The following ANKRD36 variants were observed in gnomAD, a reference collection of about 807,000 sequenced individuals.
The protein encoded by ANKRD36 is ankyrin repeat domain-containing protein 36A.
A neutral mutation model predicts 278.1 loss-of-function variants in ANKRD36; 179 were observed. That is an observed-to-expected ratio of 0.64 (90% CI 0.57 to 0.73). The LOEUF is 0.73. Among genes scored for constraint, ANKRD36 ranks in the 30% least tolerant of loss-of-function variants. The pLI, the probability that ANKRD36 is intolerant of heterozygous loss-of-function variation, is 0.00. For missense variants in ANKRD36, 1,159 were observed against 1,956.7 expected (o/e 0.59, Z 7.69); for synonymous variants, 320 against 641.1 (o/e 0.50, Z 7.57).
chr2:97,150,195 TA>T, intron 12 of ANKRD36, among the ~76,000 whole-genome samples: 1 of 147,530 alleles, frequency 6.8e-6, no homozygotes, highest in Non-Finnish European at 1.5e-5. Flanking sequence ...TTTGTTTAAA[TA>T]ACCTGTTTGA....
At position 97,174,979 on chromosome 2, in the gene ANKRD36, C is replaced by A. The variant is rs1198874836; in HGVS notation, c.1634-4759C>A. The stretch of plus-strand genomic sequence containing the variant: ...CCTTGCATCCCAGGGATGAAGCCCA[C>A]TTGATCATGGTGGATAAGCTTTTTG... On this transcript the variant is annotated intron_variant, in intron 22 of 75. Coordinates refer to ENST00000420699, the MANE Select transcript of ANKRD36 (RefSeq NM_001354587.1). Among the ~76,000 whole-genome samples, 4 of 142,860 alleles carry A rather than the reference C, an allele frequency of 2.8e-5. No individual in the cohort carries two copies. The South Asian group carries it at 6.8e-4, about 24-fold the overall frequency. The allele number at this position is 142,860 out of a possible 152,430, so 93.7% of individuals were successfully genotyped here. A position where few individuals can be genotyped will look rare whatever the true frequency, so the allele number is the denominator to read the frequency against.
At chr2:97,137,282 G>A (rs1339564283) in intron 6 of ANKRD36, among the ~76,000 whole-genome samples, 3 of 151,974 alleles carry the variant, frequency 2.0e-5, no homozygotes, top group Middle Eastern at 6.8e-3. Context: ...GAGTAGCTGG[G>A]ATTACATACG....
chr2:97,132,077 C>T (rs2040327390), intron 6 of ANKRD36, among the ~76,000 whole-genome samples: 1 of 151,632 alleles, frequency 6.6e-6, no homozygotes, highest in Non-Finnish European at 1.5e-5. Context: ...TCTGCCCGCC[C>T]CAGCCTCCCA....
intron 1 of ANKRD36, 39 bp from the exon 2 acceptor site, chr2:97,118,025 T>C: frequency 1.3e-6 from 2 of 1,539,340 alleles, no homozygotes; most frequent in Non-Finnish European, 1.8e-6. Context: ...AATTAATGCT[T>C]ACAGTTACAT....
chr2:97,174,251 G>C (rs1212661261), intron 22 of ANKRD36, among the ~76,000 whole-genome samples: 2 of 151,758 alleles, frequency 1.3e-5, no homozygotes, highest in South Asian at 2.1e-4. Context: ...GAGTCTTCAT[G>C]AGTATAAATA....
chr2:97,204,411 A>G, intron 50 of ANKRD36, 148 bp downstream of exon 50: 3 of 1,062,212 alleles, frequency 2.8e-6, no homozygotes, highest in Non-Finnish European at 3.9e-6. Context: ...TTCTTGGGTG[A>G]TGCTGATGCT....
rs1375605798 is a variant in ANKRD36 at position 97,130,898 on chromosome 2, C to G, written c.799+3764C>G. Among the ~76,000 whole-genome samples, 9 of 152,152 alleles carry G rather than the reference C, an allele frequency of 5.9e-5. No homozygotes were observed. The East Asian group carries it at 1.5e-3, about 26-fold the overall frequency. On this transcript the variant is annotated intron_variant, in intron 6 of 75. Transcript: ENST00000420699. ...CCTGTTCTAAAGTATATCTGGTATT[C>G]TATTAATCTTTAATGCTAAACTTCT...
At chr2:97,221,073 C>T (rs1457407889) in intron 66 of ANKRD36, among the ~76,000 whole-genome samples, 1 of 130,164 alleles carries the variant, frequency 7.7e-6, no homozygotes, top group Non-Finnish European at 1.5e-5. Flanking sequence ...TGATGATTTC[C>T]AATTTCATCC....
At position 97,200,809 on chromosome 2, in the gene ANKRD36, T is replaced by G. The variant is rs199954811; in HGVS notation, c.2857+284T>G. On this transcript the variant is annotated intron_variant, in intron 46 of 75. Coordinates refer to ENST00000420699, the MANE Select transcript of ANKRD36 (RefSeq NM_001354587.1). ...GCCCAGCATAATTTTGCTTTAATTC[T>G]GTAGCATCTTTTCATTAAGGGTGTA... Among the ~76,000 whole-genome samples, 625 of 151,982 alleles carry G rather than the reference T, an allele frequency of 4.1e-3. 2 individuals are homozygous for G. The highest frequency in any genetic ancestry group is 0.014 in the African/African-American group (578 of 41,492).
chr2:97,215,520 T>G (rs1439667401), intron 62 of ANKRD36, 23 bp downstream of exon 62: 2 of 1,591,556 alleles, frequency 1.3e-6, no homozygotes, highest in Non-Finnish European at 1.7e-6. Flanking sequence ...ACACCTTTAA[T>G]GTAATGTTCG....
chr2:97,180,995 T>A lies in ANKRD36; in HGVS notation c.1736-603T>A, dbSNP rs574372394. ...ACTTTCAGAAGGCTAAACTAGTGGATACAAGAATCTTAGGCAAATTATTAC... is the reference window on the plus strand; with the variant it reads ...ACTTTCAGAAGGCTAAACTAGTGGAAACAAGAATCTTAGGCAAATTATTAC... On this transcript the variant is annotated intron_variant, in intron 24 of 75. Transcript: ENST00000420699. Among the ~76,000 whole-genome samples the A allele has an allele frequency of 7.9e-5, 12 of 151,824 alleles. No individual in the cohort carries two copies. The South Asian group carries it at 2.1e-3, about 26-fold the overall frequency.
At chr2:97,193,201 A>T in intron 38 of ANKRD36, 148 bp downstream of exon 38, 1 of 832,804 alleles carries the variant, frequency 1.2e-6, no homozygotes, top group Non-Finnish European at 1.8e-6. Flanking sequence ...TTCTTGGGTG[A>T]TGCTGATGCT....
At chr2:97,187,848 G>A (rs2057762080) in intron 32 of ANKRD36, among the ~76,000 whole-genome samples, 1 of 151,732 alleles carries the variant, frequency 6.6e-6, no homozygotes, top group Admixed American at 6.6e-5. Context: ...CCCTGATGTA[G>A]CAATTATTTT....
At chr2:97,196,537 T>C in intron 40 of ANKRD36, 56 bp from the exon 41 acceptor site, 1 of 1,599,840 alleles carries the variant, frequency 6.3e-7, no homozygotes, top group Non-Finnish European at 8.5e-7. Flanking sequence ...CTTGAATGTA[T>C]GGATATCTTT....
intron 67 of ANKRD36, among the ~76,000 whole-genome samples, chr2:97,232,171 C>T (rs1456593706): frequency 5.3e-5 from 8 of 152,012 alleles, no homozygotes; most frequent in Non-Finnish European, 7.3e-5. Context: ...AAATTTTTCT[C>T]TTTTTACACT....
chr2:97,153,767 A>C (rs1377410002), intron 14 of ANKRD36, among the ~76,000 whole-genome samples: 2 of 147,844 alleles, frequency 1.4e-5, no homozygotes, highest in African/African-American at 4.8e-5. Flanking sequence ...GGGGACAGCC[A>C]AATTTGAAGA....
intron 3 of ANKRD36, among the ~76,000 whole-genome samples, chr2:97,120,736 G>T (rs1270214779): frequency 3.9e-5 from 6 of 152,048 alleles, no homozygotes; most frequent in Non-Finnish European, 7.4e-5. Flanking sequence ...AAATACTTGT[G>T]TTACATACAA....
chr2:97,244,107 A>G, intron 70 of ANKRD36, 78 bp downstream of exon 70: 1 of 1,533,538 alleles, frequency 6.5e-7, no homozygotes, highest in Non-Finnish European at 8.8e-7. Context: ...TTTAACGTAT[A>G]TTATTTAGGC....
chr2:97,207,230 G>A (rs1345991848), intron 52 of ANKRD36, among the ~76,000 whole-genome samples: 1 of 151,352 alleles, frequency 6.6e-6, no homozygotes, highest in East Asian at 1.9e-4. Flanking sequence ...CACCATATGG[G>A]GGTGAGAGAT....
Sources: gnomAD v4.1 joint callset for allele counts (sites outside exome capture counted in the v4.1 genomes callset) on GRCh38, gnomAD v4.1.1 for gene constraint, MANE v1.5 for transcripts, NCBI Gene and HGNC (gene_info 2026-07-23, HGNC 2026-07-21) for gene names.